WWOX: variants seen among roughly 807,000 people sequenced by gnomAD.
The protein encoded by WWOX is WW domain containing oxidoreductase, also known as WW domain-containing oxidoreductase.
In WWOX, 69 loss-of-function variants were observed where a neutral mutation model predicts 46.2. The ratio of observed to expected loss-of-function variants is 1.49; its 90% confidence interval spans 1.23 to 1.82. The LOEUF is 1.82. Among genes scored for constraint, WWOX ranks in the 40% most tolerant of loss-of-function variants. The probability of loss-of-function intolerance (pLI) is 0.00; values close to 1 mark genes in which losing one functional copy is unlikely to be tolerated. For synonymous variants in WWOX, 359 were observed against 202.6 expected (o/e 1.77, Z -6.56); for missense variants, 919 against 542.6 (o/e 1.69, Z -6.89).
chr16:79,045,364 TC>T (rs1390298522), intron 8 of WWOX, among the ~76,000 whole-genome samples: 1 of 152,136 alleles, frequency 6.6e-6, no homozygotes, highest in Non-Finnish European at 1.5e-5. Flanking sequence ...AGCCCAGTTG[TC>T]CAGCTTGTAG....
At chr16:78,574,839 A>C (rs1439261163) in intron 8 of WWOX, among the ~76,000 whole-genome samples, 1 of 149,704 alleles carries the variant, frequency 6.7e-6, no homozygotes, top group African/African-American at 2.4e-5. Context: ...TAAGGGTTCA[A>C]ACTTCTCGTT....
At chr16:78,262,933 A>G (rs947451517) in intron 5 of WWOX, among the ~76,000 whole-genome samples, 2 of 152,206 alleles carry the variant, frequency 1.3e-5, no homozygotes, top group Admixed American at 6.5e-5. Flanking sequence ...AACACTATCA[A>G]ACAACAAGGA....
At chr16:79,195,120 C>A (rs377299176) in intron 8 of WWOX, among the ~76,000 whole-genome samples, 1 of 152,096 alleles carries the variant, frequency 6.6e-6, no homozygotes, top group Non-Finnish European at 1.5e-5. Flanking sequence ...GAGGAGAAAA[C>A]AGAGGCTCAG....
chr16:78,679,834 T>C (rs1159819729), intron 8 of WWOX, among the ~76,000 whole-genome samples: 1 of 152,192 alleles, frequency 6.6e-6, no homozygotes, highest in East Asian at 1.9e-4. Flanking sequence ...CAGAGTCAAC[T>C]GTTTTAGGGG....
At chr16:79,051,938 C>G (rs1004208830) in intron 8 of WWOX, among the ~76,000 whole-genome samples, 2 of 152,208 alleles carry the variant, frequency 1.3e-5, no homozygotes, top group Admixed American at 6.5e-5. Context: ...GTTCCTCTTC[C>G]TTATTTGAAG....
At chr16:78,317,537 G>T (rs933104265) in intron 5 of WWOX, among the ~76,000 whole-genome samples, 9 of 152,156 alleles carry the variant, frequency 5.9e-5, no homozygotes, top group Admixed American at 5.2e-4. Context: ...TTGGATAATG[G>T]CAGAGAAAAG....
At chr16:78,871,449 C>A (rs1351070652) in intron 8 of WWOX, among the ~76,000 whole-genome samples, 1 of 152,178 alleles carries the variant, frequency 6.6e-6, no homozygotes, top group Non-Finnish European at 1.5e-5. Context: ...TTGTGTCCAC[C>A]ACAGTTTCCA....
intron 8 of WWOX, among the ~76,000 whole-genome samples, chr16:78,942,370 G>A (rs1293856664): frequency 1.3e-5 from 2 of 152,098 alleles, no homozygotes. Context: ...CCTACCCCTT[G>A]CATATTTGAT....
chr16:78,635,749 G>A (rs775054827), intron 8 of WWOX, among the ~76,000 whole-genome samples: 2 of 152,136 alleles, frequency 1.3e-5, no homozygotes, highest in Non-Finnish European at 2.9e-5. Context: ...CTTATGAAAA[G>A]CCCTGGGCAT....
intron 5 of WWOX, among the ~76,000 whole-genome samples, chr16:78,321,414 A>G (rs535554715): frequency 0.018 from 2,423 of 134,182 alleles, 99 homozygotes; most frequent in Non-Finnish European, 0.027. Flanking sequence ...GTATATATAT[A>G]TGTGTGTATA....
At chr16:78,949,334 G>T (rs936543699) in intron 8 of WWOX, among the ~76,000 whole-genome samples, 15 of 152,128 alleles carry the variant, frequency 9.9e-5, no homozygotes, top group Admixed American at 1.3e-4. Context: ...ATGATAATTT[G>T]CTGTGGCAGC....
chr16:78,524,261 C>T (rs2043409718), intron 8 of WWOX, among the ~76,000 whole-genome samples: 1 of 152,258 alleles, frequency 6.6e-6, no homozygotes, highest in Non-Finnish European at 1.5e-5. Context: ...ATATTAGAAG[C>T]AGACACAGCC....
At chr16:78,916,418 G>T (rs2045253400) in intron 8 of WWOX, among the ~76,000 whole-genome samples, 1 of 152,200 alleles carries the variant, frequency 6.6e-6, no homozygotes, top group South Asian at 2.1e-4. Flanking sequence ...GGCAAGATGA[G>T]ATTATTCACT....
At chr16:78,682,451 C>T (rs925462125) in intron 8 of WWOX, among the ~76,000 whole-genome samples, 8 of 152,152 alleles carry the variant, frequency 5.3e-5, no homozygotes, top group Non-Finnish European at 2.9e-5. Flanking sequence ...CTGGTGGTGG[C>T]GTGTACCTGT....
chr16:79,100,466 C>T (rs866223668), intron 8 of WWOX, among the ~76,000 whole-genome samples: 1 of 152,012 alleles, frequency 6.6e-6, no homozygotes, highest in African/African-American at 2.4e-5. Context: ...GCAAACGGGC[C>T]CAAATCTTAC....
chr16:78,745,493 C>T (rs1396311739), intron 8 of WWOX, among the ~76,000 whole-genome samples: 1 of 146,340 alleles, frequency 6.8e-6, no homozygotes, highest in Middle Eastern at 3.6e-3. Context: ...GTTTGGGGGT[C>T]ACTCCATAGA....
chr16:78,960,629 C>T (rs915495262), intron 8 of WWOX, among the ~76,000 whole-genome samples: 7 of 152,174 alleles, frequency 4.6e-5, no homozygotes, highest in African/African-American at 1.7e-4. Flanking sequence ...TTGTCTCTAC[C>T]TTCAAGGTTC....
At chr16:78,977,944 A>G (rs1398553135) in intron 8 of WWOX, among the ~76,000 whole-genome samples, 5 of 150,960 alleles carry the variant, frequency 3.3e-5, no homozygotes, top group African/African-American at 9.7e-5. Flanking sequence ...ACAGTTCAAT[A>G]GCAGTACATT....
At chr16:78,161,785 G>C (rs999444803) in intron 4 of WWOX, among the ~76,000 whole-genome samples, 4 of 151,800 alleles carry the variant, frequency 2.6e-5, no homozygotes, top group African/African-American at 9.7e-5. Context: ...TTCTCCATTA[G>C]CTTTTTAAAT....
Sources: gnomAD v4.1 joint callset for allele counts (sites outside exome capture counted in the v4.1 genomes callset) on GRCh38, gnomAD v4.1.1 for gene constraint, MANE v1.5 for transcripts, NCBI Gene and HGNC (gene_info 2026-07-23, HGNC 2026-07-21) for gene names.